SCAF11: variants seen among roughly 807,000 people sequenced by gnomAD.
The protein encoded by SCAF11 is protein SCAF11.
Under a neutral mutation model 140.5 loss-of-function variants are expected in SCAF11, and 47 were observed. The ratio of observed to expected loss-of-function variants is 0.33; its 90% confidence interval spans 0.26 to 0.43. The LOEUF is 0.43. Among genes scored for constraint, SCAF11 ranks in the 20% least tolerant of loss-of-function variants. SCAF11 has a pLI of 1.00. For missense variants in SCAF11, 1,645 were observed against 1,705.1 expected, an observed-to-expected ratio of 0.96 and a Z score of 0.62; for synonymous variants, 557 against 579.4, an observed-to-expected ratio of 0.96 and a Z score of 0.55.
intron 3 of SCAF11, among the ~76,000 whole-genome samples, chr12:45,959,119 T>G (rs531149878): frequency 4.6e-5 from 7 of 152,140 alleles, no homozygotes; most frequent in Non-Finnish European, 1.0e-4. Flanking sequence ...TCTAGAAAGA[T>G]GATCCTAACT....
chr12:45,938,145 C>T (rs1444779287), intron 6 of SCAF11, among the ~76,000 whole-genome samples: 2 of 152,132 alleles, frequency 1.3e-5, no homozygotes, highest in Non-Finnish European at 2.9e-5. Context: ...TATGTGCTGT[C>T]CCCCTCTCTC....
chr12:45,934,746 C>T (rs372260883), intron 6 of SCAF11, among the ~76,000 whole-genome samples: 2 of 152,198 alleles, frequency 1.3e-5, no homozygotes, highest in African/African-American at 4.8e-5. Flanking sequence ...GTATGTCAAA[C>T]CTGCTATGTT....
At chr12:45,976,728 T>C (rs1458501107) in intron 1 of SCAF11, among the ~76,000 whole-genome samples, 3 of 152,094 alleles carry the variant, frequency 2.0e-5, no homozygotes, top group Non-Finnish European at 2.9e-5. Flanking sequence ...AAAAGCACTA[T>C]AGTATTAAAT....
At chr12:45,957,768 G>A (rs1240248466) in intron 3 of SCAF11, among the ~76,000 whole-genome samples, 7 of 152,126 alleles carry the variant, frequency 4.6e-5, no homozygotes, top group Non-Finnish European at 1.0e-4. Flanking sequence ...CACATATACT[G>A]CAGGTTCCAT....
At chr12:45,960,908 C>G (rs1008128744) in intron 3 of SCAF11, 5 of 156,308 alleles carry the variant, frequency 3.2e-5, no homozygotes, top group Admixed American at 2.6e-4. Flanking sequence ...CTAATTTTTA[C>G]AGACTGACAA....
chr12:45,945,214 A>C (rs1235316244), intron 6 of SCAF11, 35 bp downstream of exon 6: 1 of 1,326,340 alleles, frequency 7.5e-7, no homozygotes, highest in South Asian at 1.3e-5. Flanking sequence ...AACAACAAAA[A>C]AAAAGGTAGA....
At chr12:45,991,898 G>A (rs867655845), upstream of SCAF11, 2 of 1,286,720 alleles carry the variant, frequency 1.6e-6, no homozygotes, top group Middle Eastern at 2.1e-4. Flanking sequence ...GGTCCCAGTC[G>A]CTTTCAGCCG....
Position 45,927,402 on chromosome 12 carries a change from C to A in SCAF11, c.2299G>T (p.Val767Phe). The A allele has an allele frequency of 1.9e-6, 3 of 1,613,950 alleles. No individual in the cohort carries two copies. The highest frequency in any genetic ancestry group is 2.5e-6 in the Non-Finnish European group (3 of 1,179,984). ...MPSSDLADEK[V>F]ETVSQPSESP... is the part of the protein sequence containing the mutation. Reference sequence around the variant, plus strand: ...TCAGATGGTTGAGAAACAGTTTCAACCTTTTCATCCGCAAGATCAGAAGAC... The same window carrying A: ...TCAGATGGTTGAGAAACAGTTTCAAACTTTTCATCCGCAAGATCAGAAGAC... The change falls in exon 11 of 15, where the codon GTT (valine) becomes TTT (phenylalanine). Residue 767 changes from valine (V) to phenylalanine (F), a missense_variant. By Grantham distance (50) the Val-to-Phe change is conservative. Around this residue, in one of 2 missense-constraint regions of SCAF11, gnomAD observed 1,582 missense variants for 1,609.2 expected, o/e 0.98. Coordinates refer to ENST00000369367, the MANE Select transcript of SCAF11 (RefSeq NM_004719.3).
At chr12:45,922,280 A>G in intron 14 of SCAF11, 86 bp from the exon 15 acceptor site, 1 of 1,486,600 alleles carries the variant, frequency 6.7e-7, no homozygotes, top group Admixed American at 2.6e-5. Flanking sequence ...AAACAACCCC[A>G]AAGAGATAAC....
intron 1 of SCAF11, among the ~76,000 whole-genome samples, chr12:45,989,468 C>T (rs1037978517): frequency 6.6e-5 from 10 of 152,132 alleles, no homozygotes; most frequent in African/African-American, 1.7e-4. Context: ...TAATACAATA[C>T]GGAAATATAT....
chr12:45,956,157 A>G (rs1433049981), intron 3 of SCAF11: 3 of 716,870 alleles, frequency 4.2e-6, no homozygotes, highest in South Asian at 1.5e-5. Context: ...CTGCTGCTCT[A>G]TCCTCAATCA....
chr12:45,990,527 G>A lies in SCAF11; in HGVS notation c.-196C>T, dbSNP rs1441847095. The A allele has an allele frequency of 4.1e-6, 5 of 1,231,986 alleles. No individual in the cohort carries two copies. Among genetic ancestry groups the A allele is most frequent in the Non-Finnish European group, 5.1e-6 (5 of 988,246 alleles). The allele number at this position is 1,231,986 out of a possible 1,614,324, so 76.3% of individuals were successfully genotyped here. On this transcript the variant is annotated 5_prime_UTR_variant, in exon 1 of 15. Coordinates refer to ENST00000369367, the MANE Select transcript of SCAF11 (RefSeq NM_004719.3). Reference sequence around the variant, plus strand: ...GGTCCGGAGGCGGCGGCGAAGCAGGGAGCGACCCAGGTTGCGCTGCTCCGC... The same window carrying A: ...GGTCCGGAGGCGGCGGCGAAGCAGGAAGCGACCCAGGTTGCGCTGCTCCGC...
chr12:45,961,259 T>TC, intron 3 of SCAF11: 1 of 710,938 alleles, frequency 1.4e-6, no homozygotes. Flanking sequence ...CACTATCGTA[T>TC]CTGCTCTGGT....
At chr12:45,972,951 GATATATAGAT>G (rs1425613821) in intron 1 of SCAF11, among the ~76,000 whole-genome samples, 1 of 111,394 alleles carries the variant, frequency 9.0e-6, no homozygotes, top group Non-Finnish European at 1.6e-5. Flanking sequence ...TATATATATA[GATATATAGAT>G]ATATATATAG....
chr12:45,929,518 T>G (rs1391976168), intron 10 of SCAF11: 1 of 152,164 alleles, frequency 6.6e-6, no homozygotes, highest in Non-Finnish European at 1.5e-5. Context: ...CATGAATTAA[T>G]AAAGACTCAA....
intron 1 of SCAF11, among the ~76,000 whole-genome samples, chr12:45,978,181 A>G (rs139097008): frequency 6.6e-6 from 1 of 152,330 alleles, no homozygotes; most frequent in East Asian, 1.9e-4. Flanking sequence ...TGTAAACAGT[A>G]GCATATGTCC....
rs73097372 is a variant in SCAF11, at chr12:45,953,789, C to T, written c.220-2062G>A. ...AGCAAGTTACAGTCTCTCTGTGCCT[C>T]AGTAACCTTATTTGTGAAAATGAGA... On this transcript the variant is annotated intron_variant, in intron 3 of 14. Coordinates refer to ENST00000369367, the MANE Select transcript of SCAF11 (RefSeq NM_004719.3). 1.7e-3 allele frequency: 909 copies of T among 524,862 alleles called. 2 individuals are homozygous for T. The highest frequency in any genetic ancestry group is 2.7e-3 in the Non-Finnish European group (823 of 308,754). The allele number at this position is 524,862 out of a possible 1,614,324, so 32.5% of individuals were successfully genotyped here.
At chr12:45,947,644 G>A (rs1945454858) in intron 5 of SCAF11, among the ~76,000 whole-genome samples, 1 of 152,282 alleles carries the variant, frequency 6.6e-6, no homozygotes, top group South Asian at 2.1e-4. Context: ...ATATTGGTAT[G>A]TGATTAAGTA....
At chr12:45,926,074 C>G (rs577038569) in intron 11 of SCAF11, 68 bp downstream of exon 11, 10 of 1,462,454 alleles carry the variant, frequency 6.8e-6, no homozygotes, top group Non-Finnish European at 9.2e-6. Flanking sequence ...TCAACTCATA[C>G]AAATAACATA....
Sources: allele counts gnomAD v4.1 joint callset (sites outside exome capture counted in the v4.1 genomes callset), GRCh38; gene constraint gnomAD v4.1.1; regional missense constraint gnomAD v4.1.1; transcripts MANE v1.5; gene names NCBI Gene and HGNC (gene_info 2026-07-23, HGNC 2026-07-21).